Variants in DIAPH1 observed in about 807,000 individuals in gnomAD.
The protein encoded by DIAPH1 is protein diaphanous homolog 1.
In DIAPH1, 46 loss-of-function variants were observed where a neutral mutation model predicts 140.7. The observed-to-expected ratio is 0.33, with a 90% CI of 0.26 to 0.42. The LOEUF is 0.42. DIAPH1 is among the 10% of genes least tolerant of loss of function. The pLI is 1.00. For missense variants in DIAPH1, 1,310 were observed against 1,558.7 expected, an observed-to-expected ratio of 0.84 and a Z score of 2.69; for synonymous variants, 565 against 551.6, an observed-to-expected ratio of 1.02 and a Z score of -0.34.
intron 18 of DIAPH1, among the ~76,000 whole-genome samples, chr5:141,551,795 G>A (rs79455722): frequency 0.011 from 1,616 of 152,224 alleles, 39 homozygotes; most frequent in African/African-American, 0.037. Context: ...ACAATTAACA[G>A]ACAAGAACAA....
At chr5:141,540,583 G>A (rs1007873274) in intron 18 of DIAPH1, among the ~76,000 whole-genome samples, 1 of 150,320 alleles carries the variant, frequency 6.7e-6, no homozygotes, top group Admixed American at 6.6e-5. Flanking sequence ...CCCAGCCTAA[G>A]TTTTGTATTT....
chr5:141,518,265 A>T (rs1562276104), intron 27 of DIAPH1, among the ~76,000 whole-genome samples: 1 of 151,036 alleles, frequency 6.6e-6, no homozygotes, highest in Non-Finnish European at 1.5e-5. Context: ...CCTGAATTAT[A>T]CATTTTTAAA....
rs1490207695 is a variant in DIAPH1, at chr5:141,573,949, G to A, written c.1901C>T (p.Pro634Leu). 3.2e-6 allele frequency: 5 copies of A among 1,551,578 alleles called. No individual in the cohort carries two copies. Among genetic ancestry groups the A allele is most frequent in the Non-Finnish European group, 4.4e-6 (5 of 1,147,694 alleles). ...GVCISSPPSL[P>L]GGTAISPPPP... ...GGGTGGAGAGATAGCAGTACCTCCA[G>A]GTAAAGAAGGGGGTGAGGAGATGCA... The change falls in exon 16 of 28, where the codon CCT (proline) becomes CTT (leucine). Residue 634 changes from proline to leucine, a missense_variant. Pro to Leu is a moderately conservative substitution (Grantham distance 98). This residue lies in a region of DIAPH1 where 589 missense variants were observed against 549.3 expected (regional missense o/e 1.07). Coordinates refer to ENST00000389054, the MANE Select transcript of DIAPH1 (RefSeq NM_005219.5).
intron 27 of DIAPH1, 99 bp downstream of exon 27, chr5:141,524,044 G>A: frequency 9.9e-7 from 1 of 1,010,314 alleles, no homozygotes; most frequent in South Asian, 1.3e-5. Context: ...CTAAAAAGAT[G>A]CTTAGAGCAT....
At chr5:141,526,607 A>G in intron 24 of DIAPH1, 146 bp from the exon 25 acceptor site, 1 of 869,466 alleles carries the variant, frequency 1.2e-6, no homozygotes, top group Non-Finnish European at 1.9e-6. Context: ...AAAGCCATGT[A>G]GGTACCCCTA....
intron 1 of DIAPH1, among the ~76,000 whole-genome samples, chr5:141,608,305 T>TA (rs2154597266): frequency 6.6e-6 from 1 of 152,174 alleles, no homozygotes; most frequent in South Asian, 2.1e-4. Context: ...CTCTGACTCT[T>TA]AAAAAATAAA....
chr5:141,573,146 T>G (rs2099895440), intron 16 of DIAPH1, among the ~76,000 whole-genome samples: 1 of 151,858 alleles, frequency 6.6e-6, no homozygotes, highest in Non-Finnish European at 1.5e-5. Context: ...TTCTTAAGAT[T>G]GACTGGTGGG....
Position 141,588,235 on chromosome 5 carries a change from T to C in DIAPH1, c.133A>G (p.Met45Val), listed in dbSNP as rs2099897839. ...CAAAATGTCCTTACCTCATCTGCCA[T>C]GAGCCGCTTCAGAGTCTAGGAAACA... ...KSKKFTLKRL[M>V]ADELERFTSM... Residue 45 changes from methionine (M) to valine (V), a missense_variant, in exon 2 of 28, where the codon ATG (methionine) becomes GTG (valine). This residue lies in a region of DIAPH1 where 377 missense variants were observed against 497.1 expected (regional missense o/e 0.76). Transcript: ENST00000389054. 6.2e-7 allele frequency: 1 copy of C among 1,612,474 alleles called. No homozygotes were observed. Among genetic ancestry groups the C allele is most frequent in the Non-Finnish European group, 8.5e-7 (1 of 1,178,780 alleles).
chr5:141,519,380 A>ATG lies in DIAPH1; in HGVS notation c.3662-2374_3662-2373dup, dbSNP rs373188966. Among the ~76,000 whole-genome samples the ATG allele has an allele frequency of 6.6e-3, 992 of 150,976 alleles. 7 individuals carry two copies. The highest frequency in any genetic ancestry group is 0.02 in the African/African-American group (809 of 41,268). ...TTGAGAAGACACTGCGACTCTGTGC[A>ATG]TGTGTGTGTGTGTGTGTAACTCTAG... On this transcript the variant is annotated intron_variant, in intron 27 of 27. Transcript: ENST00000389054.
Position 141,528,441 on chromosome 5 carries a change from A to C in DIAPH1, c.3148+12T>G. Reference sequence around the variant, plus strand: ...GACTTTTGGGCTCTAGCTTCATTCCAAACTGCCCCACCTCGGCTGGCTTTC... The same window carrying C: ...GACTTTTGGGCTCTAGCTTCATTCCCAACTGCCCCACCTCGGCTGGCTTTC... On this transcript the variant is annotated intron_variant, in intron 23 of 27. Coordinates refer to ENST00000389054, the MANE Select transcript of DIAPH1 (RefSeq NM_005219.5). 1 of 1,614,074 alleles carries C rather than the reference A, an allele frequency of 6.2e-7. No homozygotes were observed. Among genetic ancestry groups the C allele is most frequent in the Non-Finnish European group, 8.5e-7 (1 of 1,180,010 alleles).
At chr5:141,543,906 C>G (rs1354427525) in intron 18 of DIAPH1, among the ~76,000 whole-genome samples, 2 of 152,092 alleles carry the variant, frequency 1.3e-5, no homozygotes, top group Non-Finnish European at 2.9e-5. Context: ...ATCTATACAA[C>G]GGACCATAGA....
At chr5:141,588,127 A>T (rs2099897823) in intron 2 of DIAPH1, 97 bp downstream of exon 2, 1 of 992,448 alleles carries the variant, frequency 1.0e-6, no homozygotes, top group South Asian at 1.3e-5. Flanking sequence ...CCATATCACC[A>T]CTATAAGTTA....
At chr5:141,574,530 T>C (rs932142874) in intron 15 of DIAPH1, among the ~76,000 whole-genome samples, 29 of 152,208 alleles carry the variant, frequency 1.9e-4, no homozygotes, top group African/African-American at 7.0e-4. Flanking sequence ...ATATATGTGC[T>C]ACACAGATGA....
intron 1 of DIAPH1, among the ~76,000 whole-genome samples, chr5:141,591,589 C>T (rs1363015187): frequency 1.3e-5 from 2 of 150,222 alleles, no homozygotes; most frequent in East Asian, 3.9e-4. Flanking sequence ...GGCATCCAGA[C>T]TCCAAAGCTG....
At chr5:141,553,197 C>T (rs2099892007) in intron 18 of DIAPH1, among the ~76,000 whole-genome samples, 1 of 152,144 alleles carries the variant, frequency 6.6e-6, no homozygotes, top group East Asian at 1.9e-4. Context: ...GAAGCTGAGG[C>T]AGAAGAATTG....
intron 18 of DIAPH1, among the ~76,000 whole-genome samples, chr5:141,550,000 G>C (rs1403384111): frequency 6.6e-6 from 1 of 152,070 alleles, no homozygotes; most frequent in Non-Finnish European, 1.5e-5. Context: ...CTAGAGCAAG[G>C]ATACAGAAAG....
At chr5:141,603,597 C>A (rs1387937156) in intron 1 of DIAPH1, among the ~76,000 whole-genome samples, 1 of 152,170 alleles carries the variant, frequency 6.6e-6, no homozygotes, top group Non-Finnish European at 1.5e-5. Context: ...ACAGTAGTAA[C>A]TGTAGTCCAT....
At chr5:141,533,761 G>A (rs975896817) in intron 19 of DIAPH1, among the ~76,000 whole-genome samples, 6 of 152,098 alleles carry the variant, frequency 3.9e-5, no homozygotes, top group Non-Finnish European at 5.9e-5. Context: ...TTCTGTGAAC[G>A]CAATGGACAT....
At chr5:141,612,637 C>T (rs867197473) in intron 1 of DIAPH1, among the ~76,000 whole-genome samples, 7 of 151,796 alleles carry the variant, frequency 4.6e-5, no homozygotes, top group Non-Finnish European at 7.4e-5. Context: ...GATGGGAGGA[C>T]GAGGATGGGT....
Sources: allele counts gnomAD v4.1 joint callset (sites outside exome capture counted in the v4.1 genomes callset), GRCh38; gene constraint gnomAD v4.1.1; regional missense constraint gnomAD v4.1.1; transcripts MANE v1.5; gene names NCBI Gene and HGNC (gene_info 2026-07-23, HGNC 2026-07-21).